Variants in NBPF3 observed in about 807,000 individuals in gnomAD.
NBPF3 encodes the protein NBPF family member NBPF3.
In NBPF3, 57 loss-of-function variants were observed where a neutral mutation model predicts 78.1. The ratio of observed to expected loss-of-function variants is 0.73; its 90% CI spans 0.59 to 0.91. NBPF3 has a LOEUF of 0.91. NBPF3 is among the 40% of genes least tolerant of loss of function. The probability of loss-of-function intolerance (pLI) is 0.00; values close to 1 mark genes in which losing one functional copy is unlikely to be tolerated. For synonymous variants in NBPF3, 182 were observed against 271.7 expected (o/e 0.67, Z 3.25); for missense variants, 510 against 715.3 (o/e 0.71, Z 3.27).
chr1:21,462,963 A>G (rs141274736), intron 2 of NBPF3, among the ~76,000 whole-genome samples: 2,433 of 152,190 alleles, frequency 0.016, 25 homozygotes, highest in Middle Eastern at 0.058. Flanking sequence ...TCCTTTATCC[A>G]TGTTAAAATT....
At chr1:21,437,501 C>A, upstream of NBPF3, 1 of 1,455,620 alleles carries the variant, frequency 6.9e-7, no homozygotes, top group Non-Finnish European at 9.2e-7. Context: ...CGAGGTGCAG[C>A]GGCTGCGGAG....
At chr1:21,446,486 C>CTTCCT (rs1640983727) in intron 2 of NBPF3, 1 of 148,840 alleles carries the variant, frequency 6.7e-6, no homozygotes, top group Non-Finnish European at 1.5e-5. Flanking sequence ...TCCTTCCTTC[C>CTTCCT]TTCCTTCCCT....
intron 2 of NBPF3, among the ~76,000 whole-genome samples, chr1:21,452,972 G>A (rs2016413): frequency 0.54 from 82,414 of 152,048 alleles, 23,103 homozygotes; most frequent in Admixed American, 0.66. Context: ...TTTATGCTGA[G>A]CTTTTTTTTC....
chr1:21,473,742 C>T (rs894558302), intron 7 of NBPF3, among the ~76,000 whole-genome samples, 157 bp downstream of exon 7: 1 of 152,234 alleles, frequency 6.6e-6, no homozygotes, highest in African/African-American at 2.4e-5. Context: ...CAGCTCATGT[C>T]ATGCCTTTGT....
intron 2 of NBPF3, among the ~76,000 whole-genome samples, chr1:21,450,833 G>A (rs1423076486): frequency 1.3e-5 from 2 of 152,164 alleles, no homozygotes; most frequent in Non-Finnish European, 2.9e-5. Context: ...TGAACAAACA[G>A]CTTATCTGCC....
upstream of NBPF3, among the ~76,000 whole-genome samples, chr1:21,437,229 G>T (rs1236604867): frequency 8.6e-5 from 13 of 151,984 alleles, no homozygotes; most frequent in African/African-American, 2.9e-4. Flanking sequence ...GAACCAGGAT[G>T]CAAGGGGGAG....
intron 5 of NBPF3, among the ~76,000 whole-genome samples, chr1:21,472,453 G>A (rs1642653114): frequency 6.6e-6 from 1 of 152,172 alleles, no homozygotes; most frequent in Non-Finnish European, 1.5e-5. Context: ...AGGACTGTAG[G>A]GCAAGTTTGT....
At chr1:21,478,021 GAA>G in intron 8 of NBPF3, 121 bp from the exon 9 acceptor site, 1 of 1,600,372 alleles carries the variant, frequency 6.2e-7, no homozygotes, top group Non-Finnish European at 8.5e-7. Context: ...TCTCTTGAAG[GAA>G]AAATGCCTTT....
intron 2 of NBPF3, among the ~76,000 whole-genome samples, chr1:21,461,625 C>T (rs1481344202): frequency 6.6e-6 from 1 of 152,162 alleles, no homozygotes; most frequent in East Asian, 1.9e-4. Flanking sequence ...CCATGCCTGG[C>T]TAATTTTTTG....
At chr1:21,478,050 C>T (rs1290766750) in intron 8 of NBPF3, 94 bp from the exon 9 acceptor site, 14 of 1,610,330 alleles carry the variant, frequency 8.7e-6, no homozygotes, top group African/African-American at 2.7e-5. Flanking sequence ...TGTGAGCACT[C>T]CATTCTGTCT....
At chr1:21,441,850 A>C (rs1640673735) in intron 1 of NBPF3, among the ~76,000 whole-genome samples, 1 of 152,144 alleles carries the variant, frequency 6.6e-6, no homozygotes, top group Admixed American at 6.6e-5. Context: ...TTAGTATTAC[A>C]TATTGTTGAA....
Position 21,483,131 on chromosome 1 carries a change from C to T in NBPF3, c.1659-12C>T. 6.2e-7 allele frequency: 1 copy of T among 1,612,272 alleles called. No individual in the cohort carries two copies. The highest frequency in any genetic ancestry group is 8.5e-7 in the Non-Finnish European group (1 of 1,179,568). ...TCCCTGGCTGCTTCTTTAGTTTTGT[C>T]TCCTTTTCCAGGCTCAACGAGGTGC... On this transcript the variant is annotated splice_polypyrimidine_tract_variant and intron_variant, in intron 14 of 14. Transcript: ENST00000318249.
chr1:21,444,423 A>G (rs911313379), intron 1 of NBPF3, among the ~76,000 whole-genome samples: 3 of 152,256 alleles, frequency 2.0e-5, no homozygotes, highest in Admixed American at 2.0e-4. Context: ...GATTCCAAAG[A>G]TAGTTCAATA....
chr1:21,475,569 T>C (rs932772014), intron 8 of NBPF3, among the ~76,000 whole-genome samples: 7 of 152,228 alleles, frequency 4.6e-5, no homozygotes, highest in Non-Finnish European at 7.3e-5. Flanking sequence ...TTGTGCAGTT[T>C]TGAGTGAGTT....
intron 1 of NBPF3, among the ~76,000 whole-genome samples, chr1:21,442,982 T>C (rs1640748037): frequency 2.6e-5 from 4 of 152,192 alleles, no homozygotes; most frequent in Admixed American, 2.6e-4. Context: ...TTTTACTACA[T>C]GGATGTGTCT....
intron 2 of NBPF3, among the ~76,000 whole-genome samples, chr1:21,464,162 C>G (rs200060525): frequency 1.3e-5 from 2 of 152,304 alleles, no homozygotes; most frequent in African/African-American, 4.8e-5. Context: ...ACTCAAAAAC[C>G]TGTACAAAGC....
At chr1:21,471,051 A>T (rs77048414) in intron 4 of NBPF3, among the ~76,000 whole-genome samples, 1,349 of 125,098 alleles carry the variant, frequency 0.011, 15 homozygotes, top group African/African-American at 0.032. Flanking sequence ...ATGTGCCATC[A>T]CCACCCCACT....
chr1:21,441,257 T>G (rs184746949), intron 1 of NBPF3, among the ~76,000 whole-genome samples: 1 of 152,210 alleles, frequency 6.6e-6, no homozygotes, highest in Non-Finnish European at 1.5e-5. Flanking sequence ...TTAGTAGCTT[T>G]CTTTTTGTTT....
In NBPF3 at chr1:21,470,616, G is replaced by T; in HGVS notation, c.344-16G>T. The T allele has an allele frequency of 6.4e-7, 1 of 1,571,778 alleles. No individual in the cohort carries two copies. The highest frequency in any genetic ancestry group is 8.7e-7 in the Non-Finnish European group (1 of 1,149,312). On this transcript the variant is annotated splice_polypyrimidine_tract_variant and intron_variant, in intron 3 of 14. Transcript: ENST00000318249. Reference sequence around the variant, plus strand: ...TCCAGCCTTTCACTGAGGCAGGCGTGTGTGTCTTTTCTCAGACTATGAAGA... The same window carrying T: ...TCCAGCCTTTCACTGAGGCAGGCGTTTGTGTCTTTTCTCAGACTATGAAGA...
Sources: gnomAD v4.1 joint callset for allele counts (sites outside exome capture counted in the v4.1 genomes callset) on GRCh38, gnomAD v4.1.1 for gene constraint, MANE v1.5 for transcripts, NCBI Gene and HGNC (gene_info 2026-07-23, HGNC 2026-07-21) for gene names.